Variants in HPD observed in about 807,000 individuals in gnomAD.
HPD encodes 4-hydroxyphenylpyruvic acid oxidase.
HPD carries 35 observed loss-of-function variants against 56.9 expected under a neutral mutation model. The ratio of observed to expected loss-of-function variants is 0.62; its 90% CI spans 0.47 to 0.82. HPD has a LOEUF of 0.82. Ranked by LOEUF, HPD falls within the 40% of genes least tolerant of loss-of-function variation. HPD has a pLI of 0.00. For missense variants in HPD, 442 were observed against 506.8 expected, an observed-to-expected ratio of 0.87 and a Z score of 1.23; for synonymous variants, 186 against 200.2, an observed-to-expected ratio of 0.93 and a Z score of 0.60.
upstream of HPD, among the ~76,000 whole-genome samples, chr12:121,863,939 C>A (rs1878251191): frequency 6.6e-6 from 1 of 151,934 alleles, no homozygotes; most frequent in Non-Finnish European, 1.5e-5. Context: ...AGGTTTTTGT[C>A]CCTCTTGGCT....
chr12:121,843,995 G>A (rs555377929), intron 11 of HPD, among the ~76,000 whole-genome samples, 163 bp from the exon 12 acceptor site: 24 of 152,182 alleles, frequency 1.6e-4, no homozygotes, highest in Admixed American at 7.9e-4. Flanking sequence ...CATGGGCCCC[G>A]TTAGAACAAC....
At chr12:121,875,537 T>C in the HPD span, among the ~76,000 whole-genome samples, 1 of 150,150 alleles carries the variant, frequency 6.7e-6, no homozygotes, top group Non-Finnish European at 1.5e-5. Flanking sequence ...GCAATCCTCC[T>C]ACCTCAGCCT....
intron 2 of HPD, 47 bp from the exon 3 acceptor site, chr12:121,857,866 T>C: frequency 6.7e-7 from 1 of 1,489,476 alleles, no homozygotes; most frequent in Non-Finnish European, 9.4e-7. Context: ...AAAGTGAGTC[T>C]AGAAAAGTGC....
rs1232312097 is a variant in HPD at position 121,839,584 on chromosome 12, G to T, written c.*144C>A. The T allele has an allele frequency of 1.5e-6, 1 of 684,732 alleles. No homozygotes were observed. The highest frequency in any genetic ancestry group is 2.6e-6 in the Non-Finnish European group (1 of 380,514). The allele number at this position is 684,732 out of a possible 1,614,324, so 42.4% of individuals were successfully genotyped here. A position where few individuals can be genotyped will look rare whatever the true frequency, so the allele number is the denominator to read the frequency against. On this transcript the variant is annotated 3_prime_UTR_variant, in exon 14 of 14. Transcript: ENST00000289004. The stretch of plus-strand genomic sequence containing the variant: ...GGAGCAGAGGGCGGCCCCGCCGAGG[G>T]GCGTGGTCAGTGTGGGCGGAGCCTT...
chr12:121,854,664 C>G, intron 7 of HPD, 39 bp downstream of exon 7: 1 of 1,423,158 alleles, frequency 7.0e-7, no homozygotes. Context: ...CTCAGTGGTG[C>G]CGACAGCAGG....
chr12:121,849,075 G>T lies in HPD; in HGVS notation c.520C>A (p.Pro174Thr). The stretch of plus-strand genomic sequence containing the variant: ...TCGATCATCTCCAGACTGCATTTGG[G>T]CCTGGGAAGGGAAGAAGATGGGGGT... ...AFMDPLLPKL[P>T]KCSLEMIDHI... The change falls in exon 9 of 14, where the codon CCC becomes ACC. Residue 174 changes from proline to threonine, a missense_variant and splice_region_variant. Pro to Thr is a conservative substitution (Grantham distance 38). Transcript: ENST00000289004. 1 of 1,612,958 alleles carries T rather than the reference G, an allele frequency of 6.2e-7. No homozygotes were observed. Among genetic ancestry groups the T allele is most frequent in the Non-Finnish European group, 8.5e-7 (1 of 1,179,056 alleles).
intron 2 of HPD, 75 bp downstream of exon 2, chr12:121,858,612 G>T: frequency 2.8e-6 from 4 of 1,404,616 alleles, no homozygotes; most frequent in South Asian, 1.2e-5. Context: ...GCTCTCTGCT[G>T]AAACCCCAGT....
chr12:121,887,809 T>C, the HPD span, among the ~76,000 whole-genome samples: 34 of 152,292 alleles, frequency 2.2e-4, no homozygotes, highest in African/African-American at 7.9e-4. Context: ...TTCAGGCCAG[T>C]TGTTTTGAAG....
intron 4 of HPD, 100 bp from the exon 5 acceptor site, chr12:121,856,725 A>G: frequency 9.1e-7 from 1 of 1,093,688 alleles, no homozygotes; most frequent in Non-Finnish European, 1.4e-6. Context: ...CCCCTGATGG[A>G]GCACAAGAAC....
chr12:121,869,823 C>G, the HPD span, among the ~76,000 whole-genome samples: 1 of 152,246 alleles, frequency 6.6e-6, no homozygotes, highest in East Asian at 1.9e-4. Context: ...CCATGCCTGG[C>G]CTTCACTTTC....
In HPD at chr12:121,843,835, G is replaced by A; in HGVS notation, c.832-3C>T. On this transcript the variant is annotated splice_region_variant and splice_polypyrimidine_tract_variant and intron_variant, in intron 11 of 13. Coordinates refer to ENST00000289004, the MANE Select transcript of HPD (RefSeq NM_002150.3). ...CCTCTCTCTCTCAAGTGGCGAATCT[G>A]TTTCAGAGCAAAGCTGAGGTCAGCC... 6.2e-7 allele frequency: 1 copy of A among 1,614,034 alleles called. No individual in the cohort carries two copies. The highest frequency in any genetic ancestry group is 8.5e-7 in the Non-Finnish European group (1 of 1,179,984).
chr12:121,852,592 A>C (rs913425129), intron 7 of HPD, among the ~76,000 whole-genome samples: 2 of 146,404 alleles, frequency 1.4e-5, no homozygotes, highest in African/African-American at 5.1e-5. Flanking sequence ...CACTGTTCTA[A>C]GTGCTATACA....
At chr12:121,851,492 G>A (rs1175295727) in intron 7 of HPD, among the ~76,000 whole-genome samples, 8 of 150,464 alleles carry the variant, frequency 5.3e-5, no homozygotes, top group East Asian at 2.0e-4. Context: ...GATTACAGGC[G>A]CCTGTCATGC....
upstream of HPD, among the ~76,000 whole-genome samples, chr12:121,860,640 T>C (rs2137637935): frequency 6.6e-6 from 1 of 152,344 alleles, no homozygotes; most frequent in Middle Eastern, 3.4e-3. Flanking sequence ...GTCTCTGTTC[T>C]TCATGCCCGA....
upstream of HPD, among the ~76,000 whole-genome samples, chr12:121,861,731 A>C (rs1878178740): frequency 1.3e-5 from 2 of 152,148 alleles, no homozygotes; most frequent in Non-Finnish European, 2.9e-5. Context: ...TTTCTAGCTG[A>C]TAGGGATCTT....
At chr12:121,848,607 C>T (rs1021709354) in intron 9 of HPD, among the ~76,000 whole-genome samples, 4 of 151,682 alleles carry the variant, frequency 2.6e-5, no homozygotes, top group African/African-American at 7.3e-5. Context: ...CAAGTGCGCC[C>T]GGTCTATTTT....
chr12:121,859,522 A>G (rs1239945575), upstream of HPD, among the ~76,000 whole-genome samples: 1 of 152,206 alleles, frequency 6.6e-6, no homozygotes, highest in Non-Finnish European at 1.5e-5. Context: ...GAACTGGAAC[A>G]TGAACCGGGC....
At chr12:121,882,803 G>A in the HPD span, among the ~76,000 whole-genome samples, 4 of 152,100 alleles carry the variant, frequency 2.6e-5, no homozygotes, top group Admixed American at 6.6e-5. Context: ...GTACAGTGGT[G>A]TAATCTCAGC....
upstream of HPD, among the ~76,000 whole-genome samples, chr12:121,861,169 C>G (rs1878163223): frequency 3.3e-5 from 5 of 152,114 alleles, no homozygotes; most frequent in South Asian, 1.0e-3. Flanking sequence ...AACACCGTCT[C>G]TACTAAAAAT....
Sources: allele counts gnomAD v4.1 joint callset (sites outside exome capture counted in the v4.1 genomes callset), GRCh38; gene constraint gnomAD v4.1.1; transcripts MANE v1.5; gene names NCBI Gene and HGNC (gene_info 2026-07-23, HGNC 2026-07-21).